INSR: variants seen among roughly 807,000 people sequenced by gnomAD.
INSR encodes the protein insulin receptor, also known as IR.
A neutral mutation model predicts 142.6 loss-of-function variants in INSR; 67 were observed. The ratio of observed to expected loss-of-function variants is 0.47; its 90% CI spans 0.39 to 0.58. The LOEUF (loss-of-function observed/expected upper bound fraction) is 0.58, where lower values mean the gene tolerates loss of function less well. INSR is among the 20% of genes least tolerant of loss of function. The pLI is 0.00. For missense variants in INSR, 1,248 were observed against 1,833.2 expected, an observed-to-expected ratio of 0.68 and a Z score of 5.83; for synonymous variants, 756 against 743.1, an observed-to-expected ratio of 1.02 and a Z score of -0.28.
chr19:7,162,860 T>C (rs1462999690), intron 9 of INSR, among the ~76,000 whole-genome samples, 172 bp downstream of exon 9: 2 of 151,724 alleles, frequency 1.3e-5, no homozygotes, highest in African/African-American at 2.4e-5. Context: ...AATAAATAAA[T>C]AGATAAAAAC....
At chr19:7,282,590 G>A (rs1031649803) in intron 1 of INSR, among the ~76,000 whole-genome samples, 3 of 151,912 alleles carry the variant, frequency 2.0e-5, no homozygotes, top group Admixed American at 2.0e-4. Context: ...GCTGAGGCAG[G>A]AGAATTGCTT....
At chr19:7,269,465 A>C (rs1247425775) in intron 1 of INSR, among the ~76,000 whole-genome samples, 4 of 151,078 alleles carry the variant, frequency 2.6e-5, no homozygotes, top group Non-Finnish European at 1.5e-5. Context: ...CCAGTACACA[A>C]CTATGGATTA....
chr19:7,225,037 AGAG>A lies in INSR; in HGVS notation c.653-40403_653-40401del, dbSNP rs1248457335. Among the ~76,000 whole-genome samples, 2 of 152,142 alleles carry A rather than the reference AGAG, an allele frequency of 1.3e-5. No individual in the cohort carries two copies. Among genetic ancestry groups the A allele is most frequent in the Non-Finnish European group, 2.9e-5 (2 of 68,018 alleles). On this transcript the variant is annotated intron_variant, in intron 2 of 21. Coordinates refer to ENST00000302850, the MANE Select transcript of INSR (RefSeq NM_000208.4). The surrounding 1 kb of genome is among the most constrained non-coding windows in gnomAD (Gnocchi z 4.7). ...CATTAAGGCAGCAGGGCAGCAGCAA[AGAG>A]GAGAGAGGAGGGGAGAGGGGAGGTT...
At chr19:7,163,569 C>T (rs1023530487) in intron 8 of INSR, among the ~76,000 whole-genome samples, 2 of 148,262 alleles carry the variant, frequency 1.3e-5, no homozygotes, top group African/African-American at 5.0e-5. Context: ...CAAAACAAAA[C>T]AAAACAAAAA....
chr19:7,222,268 T>A (rs2145102290), intron 2 of INSR, among the ~76,000 whole-genome samples: 1 of 152,234 alleles, frequency 6.6e-6, no homozygotes, highest in Admixed American at 6.5e-5. Flanking sequence ...GTATGGAAAT[T>A]CCTGGCCTCT....
rs568189329 is a variant in INSR at position 7,216,580 on chromosome 19, A to G, written c.653-31943T>C. Among the ~76,000 whole-genome samples the G allele has an allele frequency of 6.6e-6, 1 of 152,210 alleles. No homozygotes were observed. The highest frequency in any genetic ancestry group is 1.5e-5 in the Non-Finnish European group (1 of 68,008). On this transcript the variant is annotated intron_variant, in intron 2 of 21. Transcript: ENST00000302850. The surrounding 1 kb of genome is among the most constrained non-coding windows in gnomAD (Gnocchi z 4.2). Reference sequence around the variant, plus strand: ...TTGTATCCAGGGGGTCTGGGAAGGAACAAATTGCCACGGTGTAATGGAGCC... The same window carrying G: ...TTGTATCCAGGGGGTCTGGGAAGGAGCAAATTGCCACGGTGTAATGGAGCC...
rs574464111 is a variant in INSR, at chr19:7,151,970, G to GTT, written c.2231+754_2231+755dup. On this transcript the variant is annotated intron_variant, in intron 10 of 21. Coordinates refer to ENST00000302850, the MANE Select transcript of INSR (RefSeq NM_000208.4). Reference sequence around the variant, plus strand: ...ACCATGCCTGACTAATTTTTAAACTGTTTTTTTTTTTTTTTGGTAGCGATG... The same window carrying GTT: ...ACCATGCCTGACTAATTTTTAAACTGTTTTTTTTTTTTTTTTTGGTAGCGATG... The GTT allele has an allele frequency of 1.7e-3, 227 of 133,102 alleles. 1 individual carries two copies. The highest frequency in any genetic ancestry group is 5.2e-3 in the African/African-American group (191 of 36,492). The allele number at this position is 133,102 out of a possible 1,614,324, so 8.2% of individuals were successfully genotyped here.
chr19:7,128,276 G>A (rs1328098427), intron 15 of INSR, among the ~76,000 whole-genome samples: 4 of 150,728 alleles, frequency 2.7e-5, no homozygotes, highest in Non-Finnish European at 4.4e-5. Context: ...GCAATGGTGC[G>A]ATTTCAGCTC....
In INSR at chr19:7,192,528, G is replaced by A. The variant is rs1162577040; in HGVS notation, c.653-7891C>T. Among the ~76,000 whole-genome samples, 1 of 152,080 alleles carries A rather than the reference G, an allele frequency of 6.6e-6. No individual in the cohort carries two copies. The highest frequency in any genetic ancestry group is 1.5e-5 in the Non-Finnish European group (1 of 68,022). On this transcript the variant is annotated intron_variant, in intron 2 of 21. Transcript: ENST00000302850. This position sits in a 1 kb window ranked among gnomAD's most constrained non-coding sequence, Gnocchi z 4.2. ...TCATTGACACGTAATGAGCCCAAGT[G>A]TCCGTTCCTGCCCAAATTCTGGTTT...
At chr19:7,182,010 G>A (rs879375578) in intron 3 of INSR, among the ~76,000 whole-genome samples, 2 of 151,922 alleles carry the variant, frequency 1.3e-5, no homozygotes, top group Non-Finnish European at 2.9e-5. Flanking sequence ...AAATGCCACA[G>A]TACGATTAAG....
At chr19:7,218,707 AT>A (rs1364193811) in intron 2 of INSR, among the ~76,000 whole-genome samples, 1 of 151,938 alleles carries the variant, frequency 6.6e-6, no homozygotes. Context: ...CATCTGGTTA[AT>A]TTTTTGTATA....
At position 7,125,148 on chromosome 19, in the gene INSR, G is replaced by A. The variant is rs773021446; in HGVS notation, c.3258+135C>T. 763 of 1,058,334 alleles carry A rather than the reference G, an allele frequency of 7.2e-4. 1 individual carries two copies. Among genetic ancestry groups the A allele is most frequent in the Middle Eastern group, 2.6e-3 (9 of 3,410 alleles). The allele number at this position is 1,058,334 out of a possible 1,614,324, so 65.6% of individuals were successfully genotyped here. Reference sequence around the variant, plus strand: ...GAATGATCCCTCCTCACACCTCTAGGATGGGAAGCTTAGTGGAGTGAGGGG... The same window carrying A: ...GAATGATCCCTCCTCACACCTCTAGAATGGGAAGCTTAGTGGAGTGAGGGG... On this transcript the variant is annotated intron_variant, in intron 17 of 21. Coordinates refer to ENST00000302850, the MANE Select transcript of INSR (RefSeq NM_000208.4). The surrounding 1 kb of genome is among the most constrained non-coding windows in gnomAD (Gnocchi z 4.9).
intron 2 of INSR, among the ~76,000 whole-genome samples, chr19:7,233,286 G>T (rs544755735): frequency 6.5e-4 from 99 of 152,250 alleles, no homozygotes; most frequent in Non-Finnish European, 1.1e-3. Context: ...GAGCCACCAT[G>T]CCCAGCCTGT....
chr19:7,186,864 C>A (rs1425358267), intron 2 of INSR, among the ~76,000 whole-genome samples: 1 of 151,772 alleles, frequency 6.6e-6, no homozygotes, highest in Admixed American at 6.6e-5. Flanking sequence ...ACCACCACAC[C>A]CAGCTAATTT....
intron 6 of INSR, among the ~76,000 whole-genome samples, chr19:7,170,266 G>A (rs1047576976): frequency 1.3e-5 from 2 of 151,656 alleles, no homozygotes; most frequent in Non-Finnish European, 2.9e-5. Flanking sequence ...TCTAATGCCT[G>A]ATGATCTGTC....
Position 7,293,883 on chromosome 19 carries a change from G to T in INSR, c.9C>A (p.Thr3=), listed in dbSNP as rs1388171175. 2.4e-6 allele frequency: 3 copies of T among 1,232,362 alleles called. No individual in the cohort carries two copies. Among genetic ancestry groups the T allele is most frequent in the East Asian group, 3.5e-5 (1 of 28,574 alleles). 76.3% of individuals were successfully genotyped at this position (1,232,362 alleles called of 1,614,324 possible). A position where few individuals can be genotyped will look rare whatever the true frequency, so the allele number is the denominator to read the frequency against. Reference sequence around the variant, plus strand: ...CGGCCGCCGCCCCCCGCCGGCCCCCGGTGGCCATGGCTGCGGGAGCGCGGG... The same window carrying T: ...CGGCCGCCGCCCCCCGCCGGCCCCCTGTGGCCATGGCTGCGGGAGCGCGGG... The part of the protein sequence containing the change: MA[T]GGRRGAAAAP... The change falls in exon 1 of 22, where the codon ACC becomes ACA. Residue 3 remains threonine (T), a synonymous_variant. Transcript: ENST00000302850.
In INSR at chr19:7,262,278, C is replaced by T. The variant is rs142050369; in HGVS notation, c.652+5067G>A. ...CTGAGGTCAGGAGTTCAAGACCAGC[C>T]TGGCCAACATGGTGAAACCCCATCT... On this transcript the variant is annotated intron_variant, in intron 2 of 21. Coordinates refer to ENST00000302850, the MANE Select transcript of INSR (RefSeq NM_000208.4). Among the ~76,000 whole-genome samples the T allele has an allele frequency of 2.3e-3, 356 of 152,258 alleles. 3 individuals are homozygous for T. Among genetic ancestry groups the T allele is most frequent in the Non-Finnish European group, 2.3e-3 (157 of 68,014 alleles).
At chr19:7,211,960 T>C (rs1432580550) in intron 2 of INSR, among the ~76,000 whole-genome samples, 1 of 152,162 alleles carries the variant, frequency 6.6e-6, no homozygotes, top group African/African-American at 2.4e-5. Flanking sequence ...AGACTCAGAC[T>C]CTGGGGTGGA....
chr19:7,227,073 G>A (rs1431512027), intron 2 of INSR, among the ~76,000 whole-genome samples: 2 of 152,126 alleles, frequency 1.3e-5, no homozygotes, highest in African/African-American at 4.8e-5. Context: ...CTAAGCATCA[G>A]GCATTCCATG....
Sources: allele counts gnomAD v4.1 joint callset (sites outside exome capture counted in the v4.1 genomes callset), GRCh38; gene constraint gnomAD v4.1.1; non-coding constraint Gnocchi (gnomAD v3.1); transcripts MANE v1.5; gene names NCBI Gene and HGNC (gene_info 2026-07-23, HGNC 2026-07-21).